The following SPECC1L variants were observed in gnomAD, a reference collection of about 807,000 sequenced individuals.
SPECC1L encodes cytospin-A.
Under a neutral mutation model 116.8 loss-of-function variants are expected in SPECC1L, and 40 were observed. The observed-to-expected ratio is 0.34, with a 90% CI of 0.27 to 0.45. The LOEUF is 0.45. SPECC1L is among the 20% of genes least tolerant of loss of function. The pLI, the probability that SPECC1L is intolerant of heterozygous loss-of-function variation, is 1.00. For missense variants in SPECC1L, 1,110 were observed against 1,373.6 expected (o/e 0.81, Z 3.03); for synonymous variants, 504 against 500.6 (o/e 1.01, Z -0.09).
chr22:24,383,900 A>AC (rs143713539), intron 14 of SPECC1L, among the ~76,000 whole-genome samples: 3,058 of 141,522 alleles, frequency 0.022, 102 homozygotes, highest in African/African-American at 0.076. Context: ...TGATCCGCCC[A>AC]CCTGGGCCCC....
chr22:24,410,146 T>TTGGTTTG (rs1225074756), intron 14 of SPECC1L, among the ~76,000 whole-genome samples: 4 of 152,160 alleles, frequency 2.6e-5, no homozygotes, highest in African/African-American at 9.7e-5. Context: ...CAGAGGTGTT[T>TTGGTTTG]TGGTTTGTGG....
chr22:24,303,274 G>A (rs1353434039), intron 3 of SPECC1L, among the ~76,000 whole-genome samples: 1 of 152,146 alleles, frequency 6.6e-6, no homozygotes, highest in Non-Finnish European at 1.5e-5. Flanking sequence ...AAGGTTGTTG[G>A]AACTGAACCC....
At chr22:24,287,678 C>T (rs2049067724) in intron 2 of SPECC1L, among the ~76,000 whole-genome samples, 1 of 152,050 alleles carries the variant, frequency 6.6e-6, no homozygotes, top group Admixed American at 6.6e-5. Flanking sequence ...TTGGAGGTGC[C>T]CCTATTCAGA....
At position 24,297,093 on chromosome 22, in the gene SPECC1L, G is replaced by A. The variant is rs1208595827; in HGVS notation, c.-37-5102G>A. On this transcript the variant is annotated intron_variant, in intron 2 of 16. Coordinates refer to ENST00000314328, the MANE Select transcript of SPECC1L (RefSeq NM_015330.6). ...CTGGAATTAAGAGATGTGCCACCAC[G>A]CTCGGCTAATTTTTGTATTTTTAGT... Among the ~76,000 whole-genome samples, 9 of 149,172 alleles carry A rather than the reference G, an allele frequency of 6.0e-5. No individual in the cohort carries two copies. The East Asian group carries it at 7.8e-4, about 13-fold the overall frequency.
chr22:24,337,291 G>A (rs879782343), intron 9 of SPECC1L, among the ~76,000 whole-genome samples: 5 of 152,158 alleles, frequency 3.3e-5, no homozygotes, highest in African/African-American at 4.8e-5. Flanking sequence ...CTTTAACATG[G>A]ATGAATCTTT....
At chr22:24,294,198 T>C (rs1217210615) in intron 2 of SPECC1L, among the ~76,000 whole-genome samples, 1 of 113,952 alleles carries the variant, frequency 8.8e-6, no homozygotes, top group African/African-American at 3.6e-5. Context: ...CCTCCTACTT[T>C]GTTGCCCAAA....
At chr22:24,319,573 A>T (rs976682599) in intron 4 of SPECC1L, among the ~76,000 whole-genome samples, 1 of 152,166 alleles carries the variant, frequency 6.6e-6, no homozygotes, top group Admixed American at 6.5e-5. Context: ...CCTACTCAGG[A>T]TCATTTATTG....
At chr22:24,290,949 G>A (rs2049145491) in intron 2 of SPECC1L, among the ~76,000 whole-genome samples, 1 of 151,774 alleles carries the variant, frequency 6.6e-6, no homozygotes, top group South Asian at 2.1e-4. Context: ...CAAATCGATT[G>A]TTGATTTTGC....
At position 24,365,506 on chromosome 22, in the gene SPECC1L, G is replaced by A. The variant is rs561790197; in HGVS notation, c.2858G>A (p.Arg953Gln). Residue 953 changes from arginine to glutamine, a missense_variant, in exon 13 of 17, where the codon CGG becomes CAG. Arg to Gln is a conservative substitution (Grantham distance 43). Coordinates refer to ENST00000314328, the MANE Select transcript of SPECC1L (RefSeq NM_015330.6). ...CGACGAAGTAGTGAAGAAGTGAAACGGGACATTTCTGCACAGGAGGGAGCG... is the reference window on the plus strand; with the variant it reads ...CGACGAAGTAGTGAAGAAGTGAAACAGGACATTTCTGCACAGGAGGGAGCG... ...VSRRSSEEVK[R>Q]DISAQEGASP... 27 of 1,613,938 alleles carry A rather than the reference G, an allele frequency of 1.7e-5. No individual in the cohort carries two copies. The highest frequency in any genetic ancestry group is 3.3e-5 in the South Asian group (3 of 91,076).
intron 2 of SPECC1L, among the ~76,000 whole-genome samples, chr22:24,301,932 A>T (rs1162837510): frequency 6.6e-6 from 1 of 151,908 alleles, no homozygotes; most frequent in Non-Finnish European, 1.5e-5. Context: ...TGTAGTCCCA[A>T]CTACTCGGAA....
intron 8 of SPECC1L, among the ~76,000 whole-genome samples, chr22:24,333,296 G>T (rs993084684): frequency 6.6e-6 from 1 of 152,134 alleles, no homozygotes; most frequent in Non-Finnish European, 1.5e-5. Flanking sequence ...ACATCTTGAG[G>T]CAAAATACTG....
Position 24,414,624 on chromosome 22 carries a change from G to A in SPECC1L, c.*1G>A, listed in dbSNP as rs769175629. ...GATCTACAAGTACTTTGAGACCTGA[G>A]CATGCCGGGAGGAGCCGCCCCAATA... On this transcript the variant is annotated 3_prime_UTR_variant, in exon 17 of 17. Coordinates refer to ENST00000314328, the MANE Select transcript of SPECC1L (RefSeq NM_015330.6). 6.2e-7 allele frequency: 1 copy of A among 1,613,736 alleles called. No homozygotes were observed. The highest frequency in any genetic ancestry group is 8.5e-7 in the Non-Finnish European group (1 of 1,179,938).
At chr22:24,386,514 T>G (rs768836397) in intron 14 of SPECC1L, among the ~76,000 whole-genome samples, 1 of 152,034 alleles carries the variant, frequency 6.6e-6, no homozygotes, top group Non-Finnish European at 1.5e-5. Context: ...GAGTATGATG[T>G]AGGAAATACT....
At chr22:24,358,839 T>C (rs190451597) in intron 11 of SPECC1L, among the ~76,000 whole-genome samples, 1 of 152,344 alleles carries the variant, frequency 6.6e-6, no homozygotes, top group African/African-American at 2.4e-5. Context: ...GAAAACTACC[T>C]GTAACTATTT....
At chr22:24,369,629 G>T (rs754771018) in intron 14 of SPECC1L, among the ~76,000 whole-genome samples, 4 of 152,142 alleles carry the variant, frequency 2.6e-5, no homozygotes, top group Admixed American at 2.0e-4. Context: ...AGCCTGGGAG[G>T]CAGAGGCTGC....
At chr22:24,362,779 A>G (rs2041670851) in intron 11 of SPECC1L, among the ~76,000 whole-genome samples, 2 of 152,156 alleles carry the variant, frequency 1.3e-5, no homozygotes. Context: ...GCTGCCTGAA[A>G]TCAAAGAGAA....
rs914766119 is a variant in SPECC1L, at chr22:24,415,797, C to G, written c.*1174C>G. On this transcript the variant is annotated 3_prime_UTR_variant, in exon 17 of 17. Transcript: ENST00000314328. ...TGGGTCCATGCCCCCTGTGCCCACCCTCCCCAGGTGCTGGGTCCATGCTGT... is the reference window on the plus strand; with the variant it reads ...TGGGTCCATGCCCCCTGTGCCCACCGTCCCCAGGTGCTGGGTCCATGCTGT... 6.6e-6 allele frequency: 1 copy of G among 152,232 alleles called. No individual in the cohort carries two copies. The highest frequency in any genetic ancestry group is 2.4e-5 in the African/African-American group (1 of 41,444). The allele number at this position is 152,232 out of a possible 1,614,324, so 9.4% of individuals were successfully genotyped here.
Position 24,287,219 on chromosome 22 carries a change from G to T in SPECC1L, c.-38+10416G>T, listed in dbSNP as rs190447450. Among the ~76,000 whole-genome samples, 26 of 152,336 alleles carry T rather than the reference G, an allele frequency of 1.7e-4. No individual in the cohort carries two copies. In the East Asian group the frequency reaches 4.8e-3, roughly 28 times the overall value. ...GGTATGTGAGAGTGTGTGACTATGT[G>T]TGCACGTAAAATGGAAATGAGATGG... is the stretch of plus-strand genomic sequence containing the variant. On this transcript the variant is annotated intron_variant, in intron 2 of 16. Transcript: ENST00000314328.
chr22:24,285,936 G>A (rs2049036747), intron 2 of SPECC1L, among the ~76,000 whole-genome samples: 1 of 152,242 alleles, frequency 6.6e-6, no homozygotes, highest in African/African-American at 2.4e-5. Context: ...TACCGCGCCT[G>A]GCGCGCTGTT....
Sources: gnomAD v4.1 joint callset for allele counts (sites outside exome capture counted in the v4.1 genomes callset) on GRCh38, gnomAD v4.1.1 for gene constraint, MANE v1.5 for transcripts, NCBI Gene and HGNC (gene_info 2026-07-23, HGNC 2026-07-21) for gene names.